The following ITFG1 variants were observed in gnomAD, a reference collection of about 807,000 sequenced individuals.
The protein encoded by ITFG1 is integrin alpha FG-GAP repeat containing 1.
ITFG1 carries 34 observed loss-of-function variants against 81.8 expected under a neutral mutation model. The observed-to-expected ratio is 0.42, with a 90% CI of 0.32 to 0.55. ITFG1 has a LOEUF of 0.55. Ranked by LOEUF, ITFG1 falls within the 20% of genes least tolerant of loss-of-function variation. The probability of loss-of-function intolerance (pLI) is 0.17; values close to 1 mark genes in which losing one functional copy is unlikely to be tolerated. For synonymous variants in ITFG1, 285 were observed against 270.6 expected (o/e 1.05, Z -0.52); for missense variants, 672 against 755.4 (o/e 0.89, Z 1.29).
intron 5 of ITFG1, among the ~76,000 whole-genome samples, chr16:47,447,305 TG>T: frequency 6.6e-6 from 1 of 152,304 alleles, no homozygotes; most frequent in South Asian, 2.1e-4. Context: ...GCACAGAAAC[TG>T]TAACACTATA....
intron 8 of ITFG1, among the ~76,000 whole-genome samples, chr16:47,365,000 C>A (rs79094881): frequency 6.6e-6 from 1 of 152,200 alleles, no homozygotes; most frequent in Non-Finnish European, 1.5e-5. Flanking sequence ...TTCTTGTGCT[C>A]TTGCTATAAG....
chr16:47,388,228 C>T (rs74543556), intron 6 of ITFG1, among the ~76,000 whole-genome samples: 2,424 of 151,898 alleles, frequency 0.016, 17 homozygotes, highest in Non-Finnish European at 0.026. Flanking sequence ...CCAAGATATA[C>T]GTAATGGAAG....
rs1232693308 is a variant in ITFG1 at position 47,184,562 on chromosome 16, C to A, written c.1454-21898G>T. On this transcript the variant is annotated intron_variant, in intron 14 of 17. Coordinates refer to ENST00000320640, the MANE Select transcript of ITFG1 (RefSeq NM_030790.5). ...AAGTGAAGGAGAAATAAAATACTTT[C>A]CAGACAAGCAAATGCTGAGAGATTT... Among the ~76,000 whole-genome samples the A allele has an allele frequency of 7.5e-3, 1,132 of 151,926 alleles. 15 individuals are homozygous for A. Among genetic ancestry groups the A allele is most frequent in the African/African-American group, 0.025 (1,016 of 41,408 alleles).
rs1229397354 is a variant in ITFG1 at position 47,324,691 on chromosome 16, C to T, written c.803-10868G>A. Among the ~76,000 whole-genome samples the T allele has an allele frequency of 5.9e-5, 9 of 151,948 alleles. No individual in the cohort carries two copies. In the East Asian group the frequency reaches 1.2e-3, roughly 20 times the overall value. Reference sequence around the variant, plus strand: ...AAAGGCAGGGGTTGCAATCAAGTCTCGGATAAAACAGACTTTAAACCAACA... The same window carrying T: ...AAAGGCAGGGGTTGCAATCAAGTCTTGGATAAAACAGACTTTAAACCAACA... On this transcript the variant is annotated intron_variant, in intron 8 of 17. Transcript: ENST00000320640.
Position 47,158,899 on chromosome 16 carries a change from T to C in ITFG1, c.1753A>G (p.Ile585Val). The change falls in exon 17 of 18, where the codon ATT (isoleucine) becomes GTT (valine). Residue 585 changes from isoleucine to valine, a missense_variant. By Grantham distance (29) the Ile-to-Val change is conservative. This residue lies in a region of ITFG1 where 65 missense variants were observed against 103.3 expected (regional missense o/e 0.63). Coordinates refer to ENST00000320640, the MANE Select transcript of ITFG1 (RefSeq NM_030790.5). The part of the protein sequence containing the change: ...IGVCVFILAI[I>V]GILHWQEKKA... ...TTTTCCTGCCAATGTAAAATGCCAA[T>C]TATTGCCAAGATGAAAACACAGACA... The C allele has an allele frequency of 6.3e-7, 1 of 1,593,332 alleles. No homozygotes were observed. The highest frequency in any genetic ancestry group is 8.6e-7 in the Non-Finnish European group (1 of 1,166,606).
Position 47,292,896 on chromosome 16 carries a change from G to A in ITFG1, c.1070+18344C>T, listed in dbSNP as rs187794626. Among the ~76,000 whole-genome samples the A allele has an allele frequency of 2.7e-4, 41 of 149,886 alleles. No homozygotes were observed. The East Asian group carries it at 7.8e-3, about 29-fold the overall frequency. On this transcript the variant is annotated intron_variant, in intron 10 of 17. Transcript: ENST00000320640. ...TTATTTTACAATCTATGTCCATTCT[G>A]CACATTAGAAACTTGACTTTGTTTC...
intron 14 of ITFG1, among the ~76,000 whole-genome samples, chr16:47,168,850 A>AC (rs1179418951): frequency 2.6e-5 from 4 of 152,094 alleles, no homozygotes; most frequent in African/African-American, 4.8e-5. Context: ...TTGCAATCTT[A>AC]CCCCTTACAT....
intron 10 of ITFG1, among the ~76,000 whole-genome samples, chr16:47,268,706 C>A (rs1966305334): frequency 6.6e-6 from 1 of 152,156 alleles, no homozygotes; most frequent in Non-Finnish European, 1.5e-5. Context: ...TCTGTGATTA[C>A]CAGCCAATCA....
intron 8 of ITFG1, among the ~76,000 whole-genome samples, chr16:47,329,981 A>C (rs1286782447): frequency 6.6e-6 from 1 of 152,172 alleles, no homozygotes; most frequent in Non-Finnish European, 1.5e-5. Context: ...CATAAGCCAA[A>C]TGTCAACATT....
intron 6 of ITFG1, among the ~76,000 whole-genome samples, chr16:47,423,315 A>G: frequency 7.5e-6 from 1 of 133,524 alleles, no homozygotes; most frequent in Non-Finnish European, 1.6e-5. Flanking sequence ...CTTTATTTTG[A>G]GCCTATGTGC....
At chr16:47,267,928 T>C (rs1966295889) in intron 10 of ITFG1, among the ~76,000 whole-genome samples, 1 of 151,918 alleles carries the variant, frequency 6.6e-6, no homozygotes, top group Admixed American at 6.6e-5. Context: ...ACACCTATAG[T>C]AGAAAAGAAG....
chr16:47,207,286 G>A (rs947348617), intron 14 of ITFG1, among the ~76,000 whole-genome samples: 11 of 152,120 alleles, frequency 7.2e-5, no homozygotes, highest in African/African-American at 1.4e-4. Context: ...GGGTTTCACC[G>A]TGTTAGCCAG....
At chr16:47,371,134 AATT>A (rs1418783424) in intron 7 of ITFG1, among the ~76,000 whole-genome samples, 1 of 152,040 alleles carries the variant, frequency 6.6e-6, no homozygotes, top group African/African-American at 2.4e-5. Flanking sequence ...TGGTTTCTGG[AATT>A]ATTGTGTACT....
intron 13 of ITFG1, among the ~76,000 whole-genome samples, chr16:47,233,130 G>T (rs1367073845): frequency 6.6e-6 from 1 of 152,134 alleles, no homozygotes; most frequent in Admixed American, 6.5e-5. Context: ...CCAGTTTCTG[G>T]TCTGAATGTA....
At chr16:47,306,733 T>C (rs1419878701) in intron 10 of ITFG1, among the ~76,000 whole-genome samples, 2 of 151,574 alleles carry the variant, frequency 1.3e-5, no homozygotes, top group African/African-American at 4.8e-5. Flanking sequence ...TTCATCTTAC[T>C]GAAAATAAAG....
chr16:47,267,700 C>G (rs753596325), intron 10 of ITFG1, among the ~76,000 whole-genome samples: 12 of 151,982 alleles, frequency 7.9e-5, no homozygotes, highest in Non-Finnish European at 1.8e-4. Flanking sequence ...TTAAGTCATA[C>G]AAAATATTTT....
At chr16:47,438,851 T>G (rs754158499) in intron 5 of ITFG1, among the ~76,000 whole-genome samples, 5 of 151,424 alleles carry the variant, frequency 3.3e-5, no homozygotes, top group African/African-American at 4.9e-5. Context: ...CTTTGACGAG[T>G]TGAGAGAGGA....
intron 14 of ITFG1, among the ~76,000 whole-genome samples, chr16:47,165,767 C>A (rs1193978991): frequency 6.6e-6 from 1 of 152,072 alleles, no homozygotes; most frequent in Non-Finnish European, 1.5e-5. Flanking sequence ...ATCACCTGAG[C>A]CCAGGGAGGT....
At chr16:47,227,989 T>A (rs1335096431) in intron 13 of ITFG1, among the ~76,000 whole-genome samples, 4 of 152,242 alleles carry the variant, frequency 2.6e-5, no homozygotes, top group Non-Finnish European at 5.9e-5. Flanking sequence ...TTTTTATTGT[T>A]TCTTGCTCTT....
Sources: gnomAD v4.1 joint callset for allele counts (sites outside exome capture counted in the v4.1 genomes callset) on GRCh38, gnomAD v4.1.1 for gene constraint, gnomAD v4.1.1 regional missense constraint, MANE v1.5 for transcripts, NCBI Gene and HGNC (gene_info 2026-07-23, HGNC 2026-07-21) for gene names.